The following FHIT variants were observed in gnomAD, a reference collection of about 807,000 sequenced individuals.
FHIT encodes the protein fragile histidine triad diadenosine triphosphatase, also known as bis(5'-adenosyl)-triphosphatase.
FHIT carries 19 observed loss-of-function variants against 17.9 expected under a neutral mutation model. The observed-to-expected ratio is 1.06, with a 90% CI of 0.74 to 1.56. FHIT has a LOEUF of 1.56. Ranked by LOEUF, FHIT falls within the 40% of genes most tolerant of loss-of-function variation. FHIT has a pLI of 0.00. For missense variants in FHIT, 248 were observed against 189.2 expected (o/e 1.31, Z -1.82); for synonymous variants, 81 against 69.7 (o/e 1.16, Z -0.81).
chr3:60,826,913 C>T (rs2594135), intron 3 of FHIT, among the ~76,000 whole-genome samples: 6 of 151,912 alleles, frequency 3.9e-5, no homozygotes, highest in Non-Finnish European at 5.9e-5. Context: ...CAGCAGATTT[C>T]GCAATTTTGC....
chr3:60,553,545 A>AGG (rs2036641461), intron 4 of FHIT, among the ~76,000 whole-genome samples: 11 of 147,334 alleles, frequency 7.5e-5, no homozygotes, highest in African/African-American at 2.8e-4. Context: ...GGAGAGAGAG[A>AGG]GAGAGAGAGA....
At chr3:59,816,518 C>G (rs1252435884) in intron 8 of FHIT, among the ~76,000 whole-genome samples, 1 of 152,120 alleles carries the variant, frequency 6.6e-6, no homozygotes, top group African/African-American at 2.4e-5. Flanking sequence ...GTCATGCTTA[C>G]CTGTCATTAC....
intron 3 of FHIT, among the ~76,000 whole-genome samples, chr3:60,859,320 A>G (rs1374919): frequency 0.2 from 30,916 of 152,072 alleles, 3,377 homozygotes; most frequent in Middle Eastern, 0.27. Flanking sequence ...CGTGCACAGA[A>G]GAGCTTAATA....
At chr3:60,385,892 G>A (rs762414156) in intron 5 of FHIT, among the ~76,000 whole-genome samples, 2 of 152,106 alleles carry the variant, frequency 1.3e-5, no homozygotes, top group African/African-American at 2.4e-5. Flanking sequence ...TAAGATTTTA[G>A]AGTATTACTC....
chr3:60,855,509 A>C (rs1226045924), intron 3 of FHIT, among the ~76,000 whole-genome samples: 1 of 152,134 alleles, frequency 6.6e-6, no homozygotes, highest in Non-Finnish European at 1.5e-5. Context: ...TATGAAAGAC[A>C]CTGGGTCCTT....
At chr3:60,131,002 CATATGTGTATATATACACATATAT>C (rs1559661351) in intron 5 of FHIT, among the ~76,000 whole-genome samples, 1 of 69,212 alleles carries the variant, frequency 1.4e-5, no homozygotes, top group Admixed American at 1.8e-4. Flanking sequence ...CACATATATA[CATATGTGTATATATACACATATAT>C]ACATATGTGT....
rs1417811813 is a variant in FHIT, at chr3:60,517,289, T to C, written c.103+19571A>G. Among the ~76,000 whole-genome samples, 4 of 152,240 alleles carry C rather than the reference T, an allele frequency of 2.6e-5. No homozygotes were observed. The East Asian group carries it at 7.7e-4, about 29-fold the overall frequency. On this transcript the variant is annotated intron_variant, in intron 5 of 9. Coordinates refer to ENST00000492590, the MANE Select transcript of FHIT (RefSeq NM_002012.4). The stretch of plus-strand genomic sequence containing the variant: ...ACACACAACTTGTTGTAGATATCTT[T>C]CTTATTTATATTATTGCCATATATG...
intron 8 of FHIT, among the ~76,000 whole-genome samples, chr3:59,859,218 C>T (rs598678): frequency 0.18 from 27,660 of 152,052 alleles, 2,617 homozygotes; most frequent in African/African-American, 0.21. Context: ...AGTGGGGATA[C>T]GGTCAGTGTG....
rs142622980 is a variant in FHIT at position 60,070,650 on chromosome 3, G to A, written c.104-56498C>T. ...GCCACCAGTGGGTTCCAACTGCTCAGCTATGTTTAGAGGTCACAGGCAAAC... is the reference window on the plus strand; with the variant it reads ...GCCACCAGTGGGTTCCAACTGCTCAACTATGTTTAGAGGTCACAGGCAAAC... On this transcript the variant is annotated intron_variant, in intron 5 of 9. Transcript: ENST00000492590. Among the ~76,000 whole-genome samples the A allele has an allele frequency of 2.2e-3, 340 of 151,658 alleles. 3 individuals are homozygous for A. Among genetic ancestry groups the A allele is most frequent in the African/African-American group, 7.8e-3 (320 of 41,110 alleles).
At chr3:59,954,643 T>G (rs1296616934) in intron 7 of FHIT, among the ~76,000 whole-genome samples, 2 of 152,206 alleles carry the variant, frequency 1.3e-5, no homozygotes, top group Non-Finnish European at 2.9e-5. Context: ...TAGTAGGCAC[T>G]TGCAATCAAA....
chr3:60,420,197 T>A (rs1434442529), intron 5 of FHIT, among the ~76,000 whole-genome samples: 1 of 152,186 alleles, frequency 6.6e-6, no homozygotes, highest in East Asian at 1.9e-4. Flanking sequence ...AAGGCCATCA[T>A]GCTTTGCATA....
chr3:59,968,695 T>A (rs1011223868), intron 7 of FHIT, among the ~76,000 whole-genome samples: 1 of 152,164 alleles, frequency 6.6e-6, no homozygotes, highest in Non-Finnish European at 1.5e-5. Context: ...ATTAGTTACA[T>A]AAGCCTAGAA....
chr3:60,254,703 T>A (rs1705897601), intron 5 of FHIT, among the ~76,000 whole-genome samples: 1 of 152,188 alleles, frequency 6.6e-6, no homozygotes, highest in Admixed American at 6.5e-5. Context: ...CTTCCCATGT[T>A]CTTCAGCCCT....
chr3:60,274,654 T>C (rs1401840417), intron 5 of FHIT, among the ~76,000 whole-genome samples: 2 of 152,284 alleles, frequency 1.3e-5, no homozygotes, highest in East Asian at 3.9e-4. Context: ...GCACAGCTTT[T>C]TTCAAAAATT....
At chr3:59,802,314 T>A (rs1054598042) in intron 8 of FHIT, among the ~76,000 whole-genome samples, 1 of 152,208 alleles carries the variant, frequency 6.6e-6, no homozygotes, top group Non-Finnish European at 1.5e-5. Flanking sequence ...TTAATACTCC[T>A]TCTTATCCTT....
intron 5 of FHIT, among the ~76,000 whole-genome samples, chr3:60,058,507 T>A (rs1702176755): frequency 6.6e-6 from 1 of 152,212 alleles, no homozygotes; most frequent in Non-Finnish European, 1.5e-5. Flanking sequence ...GTGAATGTAC[T>A]CAGTACCACT....
intron 5 of FHIT, among the ~76,000 whole-genome samples, chr3:60,525,172 G>T (rs977874327): frequency 2.3e-4 from 35 of 152,280 alleles, no homozygotes; most frequent in Non-Finnish European, 3.7e-4. Context: ...ATGCAAAAAA[G>T]TTCCAATAGC....
intron 2 of FHIT, among the ~76,000 whole-genome samples, chr3:61,188,650 T>C (rs1447181982): frequency 6.6e-6 from 1 of 152,094 alleles, no homozygotes; most frequent in Non-Finnish European, 1.5e-5. Context: ...TTTAGACCAA[T>C]ATCCTTGATG....
intron 8 of FHIT, among the ~76,000 whole-genome samples, chr3:59,893,390 GAAGAA>G (rs1415775594): frequency 6.6e-6 from 1 of 152,002 alleles, no homozygotes; most frequent in Non-Finnish European, 1.5e-5. Context: ...TTCCAAACAA[GAAGAA>G]AAGAATATAA....
Sources: allele counts gnomAD v4.1 joint callset (sites outside exome capture counted in the v4.1 genomes callset), GRCh38; gene constraint gnomAD v4.1.1; transcripts MANE v1.5; gene names NCBI Gene and HGNC (gene_info 2026-07-23, HGNC 2026-07-21).